Variants in PDZRN3 observed in about 807,000 individuals in gnomAD.
PDZRN3 encodes the protein PDZ domain containing ring finger 3.
Under a neutral mutation model 85.7 loss-of-function variants are expected in PDZRN3, and 38 were observed. The ratio of observed to expected loss-of-function variants is 0.44; its 90% confidence interval spans 0.34 to 0.58. The LOEUF is 0.58. PDZRN3 is among the 20% of genes least tolerant of loss of function. The probability of loss-of-function intolerance (pLI) is 0.01; values close to 1 mark genes in which losing one functional copy is unlikely to be tolerated. For synonymous variants in PDZRN3, 759 were observed against 638.0 expected, an observed-to-expected ratio of 1.19 and a Z score of -2.86; for missense variants, 1,629 against 1,506.4, an observed-to-expected ratio of 1.08 and a Z score of -1.35.
At chr3:73,454,181 CT>C (rs1559688027) in intron 3 of PDZRN3, among the ~76,000 whole-genome samples, 2 of 152,152 alleles carry the variant, frequency 1.3e-5, no homozygotes, top group African/African-American at 4.8e-5. Flanking sequence ...ATTCCTACCC[CT>C]GGCACATATG....
At chr3:73,404,111 T>G in intron 4 of PDZRN3, 37 bp downstream of exon 4, 1 of 1,584,778 alleles carries the variant, frequency 6.3e-7, no homozygotes. Context: ...TGGAAATACT[T>G]CTTAATGCAT....
chr3:73,550,985 A>G (rs997633087), intron 3 of PDZRN3, among the ~76,000 whole-genome samples: 4 of 152,366 alleles, frequency 2.6e-5, no homozygotes, highest in East Asian at 3.9e-4. Flanking sequence ...AAAACTGAAC[A>G]GTGCAGAATA....
chr3:73,590,233 C>T (rs1368953776), intron 3 of PDZRN3, among the ~76,000 whole-genome samples: 7 of 141,092 alleles, frequency 5.0e-5, no homozygotes, highest in Non-Finnish European at 9.0e-5. Context: ...CGCACCACTG[C>T]ACTCCAGCCT....
intron 3 of PDZRN3, among the ~76,000 whole-genome samples, chr3:73,438,593 A>C (rs1702575134): frequency 6.6e-6 from 1 of 152,216 alleles, no homozygotes; most frequent in Non-Finnish European, 1.5e-5. Flanking sequence ...GGCACCGGCC[A>C]GTCACGGGAT....
At chr3:73,611,046 T>C (rs1702677913) in intron 1 of PDZRN3, among the ~76,000 whole-genome samples, 1 of 152,198 alleles carries the variant, frequency 6.6e-6, no homozygotes, top group Non-Finnish European at 1.5e-5. Context: ...TAGTAAAATG[T>C]TGAGCTGGGA....
intron 3 of PDZRN3, among the ~76,000 whole-genome samples, chr3:73,600,123 C>G (rs553359854): frequency 7.9e-5 from 12 of 152,066 alleles, no homozygotes; most frequent in Non-Finnish European, 1.8e-4. Flanking sequence ...AGAACAGATA[C>G]CATTAAGAGC....
At chr3:73,549,400 T>C (rs1044372050) in intron 3 of PDZRN3, among the ~76,000 whole-genome samples, 3 of 152,172 alleles carry the variant, frequency 2.0e-5, no homozygotes, top group Admixed American at 2.0e-4. Flanking sequence ...AGCTGCCCTG[T>C]CTGCTGCAGG....
chr3:73,408,228 C>G, intron 3 of PDZRN3: 1 of 702,948 alleles, frequency 1.4e-6, no homozygotes, highest in African/African-American at 1.7e-5. Flanking sequence ...GGGCTTTGGG[C>G]AATTTAACTG....
intron 3 of PDZRN3, among the ~76,000 whole-genome samples, chr3:73,528,620 C>T (rs1704579172): frequency 6.6e-6 from 1 of 152,090 alleles, no homozygotes; most frequent in African/African-American, 2.4e-5. Flanking sequence ...CACTCTATTT[C>T]CAGCTGGATT....
At chr3:73,433,872 T>TCC in intron 3 of PDZRN3, 1 of 1,424,896 alleles carries the variant, frequency 7.0e-7, no homozygotes, top group Non-Finnish European at 9.1e-7. Flanking sequence ...AACAACTCTC[T>TCC]CCCCCCTTCC....
At chr3:73,482,596 T>G (rs947411189) in intron 3 of PDZRN3, among the ~76,000 whole-genome samples, 1 of 152,190 alleles carries the variant, frequency 6.6e-6, no homozygotes, top group South Asian at 2.1e-4. Context: ...TAAAACATCA[T>G]GTACCCCAAA....
intron 3 of PDZRN3, among the ~76,000 whole-genome samples, chr3:73,455,607 G>C: frequency 6.6e-6 from 1 of 152,142 alleles, no homozygotes; most frequent in Admixed American, 6.5e-5. Context: ...TTGCAAAACA[G>C]ATATTATAAT....
intron 8 of PDZRN3, 50 bp downstream of exon 8, chr3:73,387,918 T>G: frequency 1.1e-6 from 1 of 882,318 alleles, no homozygotes; most frequent in Non-Finnish European, 1.8e-6. Flanking sequence ...CTGGGGATCT[T>G]TTGATTTTAG....
At chr3:73,546,992 T>C (rs533049975) in intron 3 of PDZRN3, among the ~76,000 whole-genome samples, 2 of 152,302 alleles carry the variant, frequency 1.3e-5, no homozygotes, top group East Asian at 3.9e-4. Context: ...TGCATTTCCA[T>C]GTACCCAGGT....
chr3:73,604,881 G>A (rs4132538), intron 2 of PDZRN3, among the ~76,000 whole-genome samples: 10 of 151,968 alleles, frequency 6.6e-5, no homozygotes, highest in Admixed American at 3.3e-4. Flanking sequence ...CACCAGCAGT[G>A]AGATTAAACT....
chr3:73,537,371 G>T (rs1018981390), intron 3 of PDZRN3, among the ~76,000 whole-genome samples: 4 of 152,348 alleles, frequency 2.6e-5, no homozygotes, highest in African/African-American at 7.2e-5. Context: ...TTAAGCCTCT[G>T]AAGTGTTACG....
intron 3 of PDZRN3, among the ~76,000 whole-genome samples, chr3:73,597,059 CTGAAATTATGT>C (rs1702439928): frequency 6.6e-6 from 1 of 152,140 alleles, no homozygotes; most frequent in African/African-American, 2.4e-5. Context: ...GTCTACAAGT[CTGAAATTATGT>C]CGAAATGAAA....
At position 73,384,819 on chromosome 3, in the gene PDZRN3, TCTC is replaced by T; in HGVS notation, c.1744_1746del (p.Glu582del). 6.2e-7 allele frequency: 1 copy of T among 1,614,128 alleles called. No individual in the cohort carries two copies. The highest frequency in any genetic ancestry group is 8.5e-7 in the Non-Finnish European group (1 of 1,180,028). On this transcript the variant is annotated inframe_deletion, in exon 10 of 10. Coordinates refer to ENST00000263666, the MANE Select transcript of PDZRN3 (RefSeq NM_015009.3). ...TCGCCATTGTTCTCTTGCTCCGAGC[TCTC>T]GTCATTACGGGTGCTCTCGTCGGTC... is the stretch of plus-strand genomic sequence containing the variant.
chr3:73,536,174 G>A (rs569758117), intron 3 of PDZRN3, among the ~76,000 whole-genome samples: 2 of 152,312 alleles, frequency 1.3e-5, no homozygotes, highest in South Asian at 4.1e-4. Flanking sequence ...ATAGGTCTTG[G>A]CATCTGCTAT....
Sources: allele counts gnomAD v4.1 joint callset (sites outside exome capture counted in the v4.1 genomes callset), GRCh38; gene constraint gnomAD v4.1.1; transcripts MANE v1.5; gene names NCBI Gene and HGNC (gene_info 2026-07-23, HGNC 2026-07-21).